The following GLIS3 variants were observed in gnomAD, a reference collection of about 807,000 sequenced individuals.
GLIS3 encodes GLIS family zinc finger 3.
GLIS3 carries 53 observed loss-of-function variants against 78.6 expected under a neutral mutation model. That is an observed-to-expected ratio of 0.67 (90% confidence interval 0.54 to 0.85). The LOEUF is 0.85. GLIS3 is among the 40% of genes least tolerant of loss of function. The probability of loss-of-function intolerance (pLI) is 0.00; values close to 1 mark genes in which losing one functional copy is unlikely to be tolerated. For synonymous variants in GLIS3, 684 were observed against 509.9 expected (o/e 1.34, Z -4.60); for missense variants, 1,703 against 1,231.1 (o/e 1.38, Z -5.74).
chr9:4,362,808 C>T, the GLIS3 span, among the ~76,000 whole-genome samples: 1 of 152,080 alleles, frequency 6.6e-6, no homozygotes, highest in Non-Finnish European at 1.5e-5. Context: ...AGAGAGCTTG[C>T]CAGAGAACCC....
At chr9:4,309,401 G>C (rs1250690804) in intron 3 of GLIS3, among the ~76,000 whole-genome samples, 3 of 152,196 alleles carry the variant, frequency 2.0e-5, no homozygotes, top group Non-Finnish European at 2.9e-5. Flanking sequence ...GTCTTAAGCA[G>C]TGGTTGGGGC....
chr9:4,428,960 T>A, the GLIS3 span, among the ~76,000 whole-genome samples: 1 of 152,168 alleles, frequency 6.6e-6, no homozygotes, highest in Non-Finnish European at 1.5e-5. Flanking sequence ...TTTCTAAATA[T>A]CTGCCCACTC....
intron 4 of GLIS3, among the ~76,000 whole-genome samples, chr9:4,113,844 AT>A (rs1831415879): frequency 6.6e-6 from 1 of 152,122 alleles, no homozygotes; most frequent in Non-Finnish European, 1.5e-5. Flanking sequence ...AATACTCTGG[AT>A]TTTGCCAGGC....
chr9:4,161,794 C>G (rs1245870519), intron 2 of GLIS3, among the ~76,000 whole-genome samples: 2 of 151,236 alleles, frequency 1.3e-5, no homozygotes, highest in Admixed American at 6.6e-5. Context: ...ATCCTCCCCA[C>G]TCAGCCTCTC....
At chr9:4,425,788 G>C in the GLIS3 span, among the ~76,000 whole-genome samples, 1 of 152,180 alleles carries the variant, frequency 6.6e-6, no homozygotes, top group Non-Finnish European at 1.5e-5. Flanking sequence ...GGGCAAAGGT[G>C]AACACCAAGC....
intron 4 of GLIS3, among the ~76,000 whole-genome samples, chr9:4,033,330 C>T (rs893073880): frequency 4.6e-5 from 7 of 152,124 alleles, no homozygotes; most frequent in African/African-American, 1.4e-4. Context: ...AAGGCTGCAG[C>T]GCACCCACTT....
At chr9:4,374,967 A>C in the GLIS3 span, among the ~76,000 whole-genome samples, 1 of 151,430 alleles carries the variant, frequency 6.6e-6, no homozygotes, top group Non-Finnish European at 1.5e-5. Context: ...TACAATTTGC[A>C]ACAGTTTGCC....
chr9:3,868,932 A>G (rs16919822), intron 8 of GLIS3, among the ~76,000 whole-genome samples: 2,607 of 152,096 alleles, frequency 0.017, 77 homozygotes, highest in African/African-American at 0.059. Context: ...TTTCTCCCCA[A>G]TTTTGGGTTA....
intron 4 of GLIS3, chr9:4,035,751 T>C (rs1824245603): frequency 6.6e-6 from 1 of 152,360 alleles, no homozygotes; most frequent in South Asian, 2.1e-4. Flanking sequence ...CTCCTTCCTG[T>C]CTTGCCTTCC....
At chr9:4,380,271 C>G in the GLIS3 span, among the ~76,000 whole-genome samples, 13 of 152,130 alleles carry the variant, frequency 8.5e-5, no homozygotes, top group Non-Finnish European at 1.9e-4. Flanking sequence ...TTAAATAACT[C>G]TCTGCTGTTA....
intron 4 of GLIS3, among the ~76,000 whole-genome samples, chr9:3,954,301 A>G (rs1816940070): frequency 6.6e-6 from 1 of 152,218 alleles, no homozygotes; most frequent in East Asian, 1.9e-4. Flanking sequence ...GCTCCTCGAT[A>G]AAGAGGCAAC....
chr9:4,346,045 A>T (rs1817893708), intron 2 of GLIS3, among the ~76,000 whole-genome samples: 1 of 152,234 alleles, frequency 6.6e-6, no homozygotes, highest in African/African-American at 2.4e-5. Flanking sequence ...AAATAAATAC[A>T]GACACAGAAG....
intron 2 of GLIS3, among the ~76,000 whole-genome samples, chr9:4,312,786 G>A (rs527267786): frequency 1.3e-5 from 2 of 152,350 alleles, no homozygotes; most frequent in South Asian, 4.1e-4. Flanking sequence ...TGAGGGCTGT[G>A]TCTTCAGCCA....
intron 2 of GLIS3, among the ~76,000 whole-genome samples, chr9:4,235,555 C>T (rs1481555533): frequency 6.6e-6 from 1 of 152,128 alleles, no homozygotes; most frequent in East Asian, 1.9e-4. Context: ...TTCATTTACC[C>T]CCAGTTACTC....
chr9:4,147,907 G>C (rs147423254), intron 2 of GLIS3, among the ~76,000 whole-genome samples: 1 of 152,270 alleles, frequency 6.6e-6, no homozygotes, highest in African/African-American at 2.4e-5. Context: ...AAGACATCCA[G>C]GGAATTCACA....
chr9:4,248,248 C>A (rs1004729336), intron 2 of GLIS3, among the ~76,000 whole-genome samples: 4 of 152,024 alleles, frequency 2.6e-5, no homozygotes, highest in Non-Finnish European at 5.9e-5. Flanking sequence ...AGCCCCCCAT[C>A]CCCCAACAGG....
the GLIS3 span, among the ~76,000 whole-genome samples, chr9:4,447,907 T>A: frequency 2.3e-4 from 35 of 152,220 alleles, no homozygotes; most frequent in Non-Finnish European, 3.2e-4. Flanking sequence ...CTGTCCTTTT[T>A]AAATTTATTT....
intron 4 of GLIS3, among the ~76,000 whole-genome samples, chr9:4,095,090 T>C (rs999450583): frequency 4.6e-5 from 7 of 152,182 alleles, no homozygotes; most frequent in Admixed American, 3.3e-4. Flanking sequence ...TTATTAACTA[T>C]TGTCATCCTG....
At chr9:3,878,708 C>A (rs993602419) in intron 8 of GLIS3, 1 of 152,602 alleles carries the variant, frequency 6.6e-6, no homozygotes, top group Non-Finnish European at 1.5e-5. Context: ...TCGGAGAGGA[C>A]TGAAGCATCC....
Sources: gnomAD v4.1 joint callset for allele counts (sites outside exome capture counted in the v4.1 genomes callset) on GRCh38, gnomAD v4.1.1 for gene constraint, MANE v1.5 for transcripts, NCBI Gene and HGNC (gene_info 2026-07-23, HGNC 2026-07-21) for gene names.